The following ASTN2 variants were observed in gnomAD, a reference collection of about 807,000 sequenced individuals.
The protein encoded by ASTN2 is astrotactin-2.
ASTN2 carries 54 observed loss-of-function variants against 139.8 expected under a neutral mutation model. That is an observed-to-expected ratio of 0.39 (90% CI 0.31 to 0.48). The LOEUF is 0.48. ASTN2 is among the 20% of genes least tolerant of loss of function. The probability of loss-of-function intolerance (pLI) is 0.95; values close to 1 mark genes in which losing one functional copy is unlikely to be tolerated. For synonymous variants in ASTN2, 756 were observed against 719.5 expected (o/e 1.05, Z -0.81); for missense variants, 1,565 against 1,725.1 (o/e 0.91, Z 1.64).
intron 16 of ASTN2, among the ~76,000 whole-genome samples, chr9:116,662,237 A>G (rs187389925): frequency 3.5e-3 from 531 of 152,164 alleles, no homozygotes; most frequent in South Asian, 7.7e-3. Flanking sequence ...CTTTTTATGT[A>G]TAAAATAGGC....
chr9:117,357,575 T>C (rs908323352), intron 1 of ASTN2, among the ~76,000 whole-genome samples: 2 of 151,878 alleles, frequency 1.3e-5, no homozygotes, highest in African/African-American at 4.8e-5. Flanking sequence ...ATTTCTCCCT[T>C]AGCCAGGCCA....
intron 10 of ASTN2, among the ~76,000 whole-genome samples, chr9:116,919,685 C>T (rs1834545706): frequency 6.9e-6 from 1 of 144,916 alleles, no homozygotes. Flanking sequence ...GTAGCTCACA[C>T]CTGTAATCAG....
chr9:117,044,328 C>T (rs936662935), intron 5 of ASTN2, among the ~76,000 whole-genome samples: 3 of 152,160 alleles, frequency 2.0e-5, no homozygotes, highest in Admixed American at 2.0e-4. Flanking sequence ...CCCATTTACT[C>T]GGCGAATGCC....
At chr9:117,292,283 G>C (rs766451642) in intron 1 of ASTN2, among the ~76,000 whole-genome samples, 3 of 152,080 alleles carry the variant, frequency 2.0e-5, no homozygotes, top group Non-Finnish European at 4.4e-5. Flanking sequence ...TTTTCCTTCT[G>C]TAAATACTTT....
chr9:116,441,358 A>C (rs764188379), intron 21 of ASTN2, among the ~76,000 whole-genome samples: 1 of 152,002 alleles, frequency 6.6e-6, no homozygotes, highest in African/African-American at 2.4e-5. Flanking sequence ...ATATTCTTCC[A>C]GCTTCAAAAA....
In ASTN2 at chr9:116,677,419, T is replaced by A. The variant is rs75693047; in HGVS notation, c.2807-25626A>T. On this transcript the variant is annotated intron_variant, in intron 16 of 22. Transcript: ENST00000313400. ...TGTTTTGCATTGTGTTATCTGACAG[T>A]TTTGAGTTTGGGGGTATCAGAAATT... is the stretch of plus-strand genomic sequence containing the variant. Among the ~76,000 whole-genome samples, 2,902 of 152,224 alleles carry A rather than the reference T, an allele frequency of 0.019. 399 individuals carry two copies. The South Asian group carries it at 0.29, about 15-fold the overall frequency.
intron 3 of ASTN2, among the ~76,000 whole-genome samples, chr9:117,167,241 C>T (rs1317975711): frequency 6.6e-6 from 1 of 152,034 alleles, no homozygotes; most frequent in Non-Finnish European, 1.5e-5. Context: ...TATCTATCTA[C>T]CTATCATCCA....
At chr9:117,344,958 C>T (rs564901233) in intron 1 of ASTN2, among the ~76,000 whole-genome samples, 45 of 152,100 alleles carry the variant, frequency 3.0e-4, no homozygotes, top group African/African-American at 9.4e-4. Flanking sequence ...TGACACATGC[C>T]GCCTGTACAA....
chr9:116,854,617 C>A (rs1218391934), intron 11 of ASTN2, among the ~76,000 whole-genome samples: 1 of 150,598 alleles, frequency 6.6e-6, no homozygotes, highest in Non-Finnish European at 1.5e-5. Context: ...GTGCAGCTTC[C>A]ATTTCCTGCC....
intron 3 of ASTN2, among the ~76,000 whole-genome samples, chr9:117,182,404 C>T (rs892528007): frequency 6.6e-6 from 1 of 151,998 alleles, no homozygotes. Flanking sequence ...ACTTTATATA[C>T]CACTGATCTG....
chr9:116,791,035 G>GAA (rs1564269213), intron 13 of ASTN2, among the ~76,000 whole-genome samples: 50 of 98,156 alleles, frequency 5.1e-4, no homozygotes, highest in African/African-American at 1.6e-3. Flanking sequence ...AAGAAAGAAA[G>GAA]AAAGAAAGAA....
chr9:116,642,771 A>G (rs915650344), intron 17 of ASTN2, among the ~76,000 whole-genome samples: 1 of 152,202 alleles, frequency 6.6e-6, no homozygotes. Context: ...CTGTTGCTAT[A>G]GTTGCTACTC....
At chr9:117,170,293 T>G (rs1389453157) in intron 3 of ASTN2, among the ~76,000 whole-genome samples, 8 of 152,098 alleles carry the variant, frequency 5.3e-5, no homozygotes, top group Non-Finnish European at 2.9e-5. Flanking sequence ...ATCATTGACA[T>G]CCTCTGTTTC....
intron 16 of ASTN2, among the ~76,000 whole-genome samples, chr9:116,668,942 T>G (rs934302050): frequency 6.6e-6 from 1 of 152,266 alleles, no homozygotes; most frequent in East Asian, 1.9e-4. Flanking sequence ...GATTGAGGAC[T>G]ACCTAAAACA....
chr9:116,439,194 A>T lies in ASTN2; in HGVS notation c.3782+1415T>A, dbSNP rs112831404. Among the ~76,000 whole-genome samples, 342 of 56,740 alleles carry T rather than the reference A, an allele frequency of 6.0e-3. 19 individuals are homozygous for T. The highest frequency in any genetic ancestry group is 0.024 in the African/African-American group (307 of 12,940). 37.2% of individuals were successfully genotyped at this position (56,740 alleles called of 152,430 possible). A position where few individuals can be genotyped will look rare whatever the true frequency, so the allele number is the denominator to read the frequency against. On this transcript the variant is annotated intron_variant, in intron 22 of 22. Transcript: ENST00000313400. ...GATGTTGTGTTTTCTATTCAAATACATTTTTTTTTTTTTTTTTTTTTTTTG... is the reference window on the plus strand; with the variant it reads ...GATGTTGTGTTTTCTATTCAAATACTTTTTTTTTTTTTTTTTTTTTTTTTG...
chr9:116,593,824 C>T (rs1854465053), intron 19 of ASTN2, among the ~76,000 whole-genome samples: 1 of 152,160 alleles, frequency 6.6e-6, no homozygotes, highest in Admixed American at 6.5e-5. Flanking sequence ...GTCTGAATTT[C>T]CTCTTACTTG....
chr9:116,626,157 T>G (rs1044366077), intron 17 of ASTN2, among the ~76,000 whole-genome samples: 5 of 90,200 alleles, frequency 5.5e-5, no homozygotes, highest in African/African-American at 3.1e-4. Context: ...TTTTTGTGTT[T>G]TTTTTTTTTT....
chr9:116,934,693 T>A (rs1835014629), intron 10 of ASTN2, among the ~76,000 whole-genome samples: 1 of 152,084 alleles, frequency 6.6e-6, no homozygotes, highest in African/African-American at 2.4e-5. Context: ...GGTAATAAAA[T>A]CTGTACAACA....
At position 116,698,721 on chromosome 9, in the gene ASTN2, A is replaced by C; in HGVS notation, c.2806+27050T>G. Reference sequence around the variant, plus strand: ...CTCTGTTACTTTTAGAGAGATGGACATGAGCCCGGAGGAAGTGGTTGCCAG... The same window carrying C: ...CTCTGTTACTTTTAGAGAGATGGACCTGAGCCCGGAGGAAGTGGTTGCCAG... On this transcript the variant is annotated intron_variant, in intron 16 of 22. Coordinates refer to ENST00000313400, the MANE Select transcript of ASTN2 (RefSeq NM_001365068.1). This position sits in a 1 kb window ranked among gnomAD's most constrained non-coding sequence, Gnocchi z 4.4. The C allele has an allele frequency of 6.2e-7, 1 of 1,614,212 alleles. No homozygotes were observed.
Sources: allele counts gnomAD v4.1 joint callset (sites outside exome capture counted in the v4.1 genomes callset), GRCh38; gene constraint gnomAD v4.1.1; non-coding constraint Gnocchi (gnomAD v3.1); transcripts MANE v1.5; gene names NCBI Gene and HGNC (gene_info 2026-07-23, HGNC 2026-07-21).